TMEM87A: variants seen among roughly 807,000 people sequenced by gnomAD.
The protein encoded by TMEM87A is transmembrane protein 87A.
In TMEM87A, 50 loss-of-function variants were observed where a neutral mutation model predicts 90.0. The ratio of observed to expected loss-of-function variants is 0.56; its 90% CI spans 0.44 to 0.70. The LOEUF (loss-of-function observed/expected upper bound fraction) is 0.70, where lower values mean the gene tolerates loss of function less well. Among genes scored for constraint, TMEM87A ranks in the 30% least tolerant of loss-of-function variants. The pLI, the probability that TMEM87A is intolerant of heterozygous loss-of-function variation, is 0.00. For missense variants in TMEM87A, 577 were observed against 660.5 expected (o/e 0.87, Z 1.39); for synonymous variants, 226 against 226.7 (o/e 1.00, Z 0.03).
chr15:42,251,289 G>A (rs540439701), intron 6 of TMEM87A, among the ~76,000 whole-genome samples: 5 of 152,046 alleles, frequency 3.3e-5, no homozygotes, highest in Admixed American at 6.6e-5. Flanking sequence ...CGTTGCTCGC[G>A]GGGAGCTGCA....
chr15:42,221,755 T>A (rs574275260), intron 15 of TMEM87A, among the ~76,000 whole-genome samples: 4 of 152,128 alleles, frequency 2.6e-5, no homozygotes, highest in South Asian at 2.1e-4. Flanking sequence ...CAAAGGCTTT[T>A]AAAAAATTTT....
intron 4 of TMEM87A, among the ~76,000 whole-genome samples, chr15:42,262,925 A>G (rs1296785686): frequency 1.3e-5 from 2 of 152,244 alleles, no homozygotes; most frequent in African/African-American, 2.4e-5. Flanking sequence ...ACAAAATTTG[A>G]TATCAGAATC....
intron 6 of TMEM87A, among the ~76,000 whole-genome samples, chr15:42,259,268 G>A (rs151136237): frequency 1.1e-3 from 165 of 152,218 alleles, no homozygotes; most frequent in African/African-American, 3.9e-3. Flanking sequence ...GATTACAGGC[G>A]TGCACCACCA....
chr15:42,220,693 A>G (rs1445147052), intron 15 of TMEM87A, among the ~76,000 whole-genome samples: 1 of 152,252 alleles, frequency 6.6e-6, no homozygotes, highest in African/African-American at 2.4e-5. Context: ...TATATCTCAG[A>G]TGCCTTTCCT....
intron 6 of TMEM87A, among the ~76,000 whole-genome samples, chr15:42,256,798 A>G (rs540314708): frequency 6.6e-6 from 1 of 152,246 alleles, no homozygotes; most frequent in Non-Finnish European, 1.5e-5. Flanking sequence ...GCTCACTGCA[A>G]CCTCTGCCTC....
chr15:42,261,490 A>G (rs1383589418), intron 4 of TMEM87A, among the ~76,000 whole-genome samples: 1 of 152,232 alleles, frequency 6.6e-6, no homozygotes, highest in African/African-American at 2.4e-5. Context: ...AGAATAATAA[A>G]CATTTAAGAA....
chr15:42,272,817 A>G (rs1316899383), intron 1 of TMEM87A: 1 of 398,268 alleles, frequency 2.5e-6, no homozygotes, highest in Non-Finnish European at 4.9e-6. Context: ...ACCATCTCGT[A>G]AGCAGAATTA....
intron 2 of TMEM87A, among the ~76,000 whole-genome samples, chr15:42,271,822 T>C (rs553460441): frequency 1.1e-4 from 17 of 150,904 alleles, no homozygotes; most frequent in South Asian, 4.2e-4. Flanking sequence ...TATATACTAA[T>C]ATATAATGTC....
intron 6 of TMEM87A, among the ~76,000 whole-genome samples, chr15:42,256,389 C>A (rs953187120): frequency 2.0e-5 from 3 of 152,164 alleles, no homozygotes; most frequent in African/African-American, 4.8e-5. Flanking sequence ...ATTCACCCAC[C>A]TTGGGCCTTA....
intron 6 of TMEM87A, among the ~76,000 whole-genome samples, chr15:42,250,696 G>GA (rs2051069194): frequency 6.6e-6 from 1 of 152,126 alleles, no homozygotes; most frequent in Non-Finnish European, 1.5e-5. Context: ...CAACCTTGGT[G>GA]AATCTGACAA....
chr15:42,271,485 G>A (rs778116990), intron 2 of TMEM87A: 1 of 152,076 alleles, frequency 6.6e-6, no homozygotes, highest in Non-Finnish European at 1.5e-5. Context: ...CATATACAAC[G>A]GGGGTCCCAT....
At chr15:42,226,944 C>T in intron 14 of TMEM87A, 35 bp from the exon 15 acceptor site, 5 of 1,571,328 alleles carry the variant, frequency 3.2e-6, no homozygotes, top group Non-Finnish European at 4.4e-6. Context: ...CATTTATACA[C>T]ATTATCTTAA....
In TMEM87A at chr15:42,244,178, A is replaced by T; in HGVS notation, c.505-11T>A. 1 of 1,493,364 alleles carries T rather than the reference A, an allele frequency of 6.7e-7. No individual in the cohort carries two copies. 92.5% of individuals were successfully genotyped at this position (1,493,364 alleles called of 1,614,324 possible). On this transcript the variant is annotated splice_polypyrimidine_tract_variant and intron_variant, in intron 6 of 19. Coordinates refer to ENST00000389834, the MANE Select transcript of TMEM87A (RefSeq NM_015497.5). ...TGGTTCATGCATTGCCTAGAAAGGG[A>T]AAAGGGCATCACATCTATAAATCTT...
At chr15:42,234,535 A>G (rs1171713756) in intron 10 of TMEM87A, among the ~76,000 whole-genome samples, 1 of 152,204 alleles carries the variant, frequency 6.6e-6, no homozygotes, top group African/African-American at 2.4e-5. Flanking sequence ...TAAGAATTAA[A>G]ATTCCCCATA....
At chr15:42,263,751 GA>G (rs1000435560) in intron 4 of TMEM87A, among the ~76,000 whole-genome samples, 11 of 151,366 alleles carry the variant, frequency 7.3e-5, no homozygotes, top group Admixed American at 1.3e-4. Context: ...CTGCCTTGGG[GA>G]AAAAAAAAGT....
chr15:42,252,351 C>T (rs1054983928), intron 6 of TMEM87A, among the ~76,000 whole-genome samples: 5 of 151,932 alleles, frequency 3.3e-5, no homozygotes, highest in Non-Finnish European at 5.9e-5. Context: ...GAGCTGTAGA[C>T]GGAGCTGTTC....
intron 10 of TMEM87A, among the ~76,000 whole-genome samples, chr15:42,234,429 A>C (rs1415774669): frequency 6.6e-6 from 1 of 152,202 alleles, no homozygotes; most frequent in East Asian, 1.9e-4. Flanking sequence ...GGAAAACTCC[A>C]TATGAGCAGG....
chr15:42,230,945 C>A (rs1173055643), intron 12 of TMEM87A, among the ~76,000 whole-genome samples: 1 of 151,946 alleles, frequency 6.6e-6, no homozygotes, highest in East Asian at 1.9e-4. Flanking sequence ...AAGAAAAAAG[C>A]CAAAAGATTT....
At chr15:42,255,950 T>TTC (rs10662819) in intron 6 of TMEM87A, among the ~76,000 whole-genome samples, 1 of 150,388 alleles carries the variant, frequency 6.6e-6, no homozygotes, top group East Asian at 2.0e-4. Context: ...TTTTTTTTTT[T>TTC]TGTATTTTTA....
Sources: allele counts gnomAD v4.1 joint callset (sites outside exome capture counted in the v4.1 genomes callset), GRCh38; gene constraint gnomAD v4.1.1; transcripts MANE v1.5; gene names NCBI Gene and HGNC (gene_info 2026-07-23, HGNC 2026-07-21).